Variants in RABGEF1 observed in about 807,000 individuals in gnomAD.
The protein encoded by RABGEF1 is rab5 GDP/GTP exchange factor.
In RABGEF1, 26 loss-of-function variants were observed where a neutral mutation model predicts 57.3. The observed-to-expected ratio is 0.45, with a 90% confidence interval of 0.33 to 0.63. RABGEF1 has a LOEUF of 0.63. Ranked by LOEUF, RABGEF1 falls within the 20% of genes least tolerant of loss-of-function variation. The pLI, the probability that RABGEF1 is intolerant of heterozygous loss-of-function variation, is 0.02. For synonymous variants in RABGEF1, 185 were observed against 210.7 expected, an observed-to-expected ratio of 0.88 and a Z score of 1.06; for missense variants, 464 against 607.6, an observed-to-expected ratio of 0.76 and a Z score of 2.48.
At chr7:66,692,193 A>G (rs972541351) in intron 1 of RABGEF1, among the ~76,000 whole-genome samples, 2 of 152,260 alleles carry the variant, frequency 1.3e-5, no homozygotes, top group Non-Finnish European at 2.9e-5. Context: ...CTGCATTGGC[A>G]GATTAAGAAG....
In RABGEF1 at chr7:66,786,440, A is replaced by C. The variant is rs144288182; in HGVS notation, c.513+2599A>C. Reference sequence around the variant, plus strand: ...TTTTTTTGAAGCAGTGTGTTGCTCTATCTCCTGGACTGGAGCACAATAGCG... The same window carrying C: ...TTTTTTTGAAGCAGTGTGTTGCTCTCTCTCCTGGACTGGAGCACAATAGCG... On this transcript the variant is annotated intron_variant, in intron 4 of 8. Coordinates refer to ENST00000284957, the MANE Select transcript of RABGEF1 (RefSeq NM_014504.3). 7.5e-4 allele frequency among the ~76,000 whole-genome samples: 114 copies of C among 151,840 alleles called. 2 individuals are homozygous for C. In the South Asian group the frequency reaches 0.012, roughly 16 times the overall value.
intron 3 of RABGEF1, among the ~76,000 whole-genome samples, chr7:66,778,419 A>C (rs1225087666): frequency 2.0e-5 from 3 of 152,240 alleles, no homozygotes; most frequent in Non-Finnish European, 4.4e-5. Flanking sequence ...TAGTCTCTAC[A>C]GTCAGGGTGA....
upstream of RABGEF1, among the ~76,000 whole-genome samples, chr7:66,677,166 A>G (rs895877734): frequency 4.6e-5 from 7 of 152,092 alleles, no homozygotes; most frequent in African/African-American, 1.7e-4. Flanking sequence ...ACATTTTACC[A>G]CAATACAAAT....
the RABGEF1 span, among the ~76,000 whole-genome samples, chr7:66,657,814 C>CT: frequency 0.1 from 15,843 of 151,870 alleles, 905 homozygotes; most frequent in Non-Finnish European, 0.11. Context: ...GAGTGAGACT[C>CT]TATCTCAAAA....
At chr7:66,778,120 G>A (rs998626254) in intron 3 of RABGEF1, among the ~76,000 whole-genome samples, 21 of 152,152 alleles carry the variant, frequency 1.4e-4, no homozygotes, top group African/African-American at 4.1e-4. Context: ...GATAAGATTA[G>A]CCTAAGTGCC....
chr7:66,804,782 A>T (rs551713933), intron 7 of RABGEF1, among the ~76,000 whole-genome samples: 4 of 151,712 alleles, frequency 2.6e-5, no homozygotes, highest in African/African-American at 9.7e-5. Context: ...TCAGGTAGAC[A>T]TGGTTTCAAA....
At chr7:66,767,034 C>T (rs1045164553) in intron 1 of RABGEF1, among the ~76,000 whole-genome samples, 5 of 144,922 alleles carry the variant, frequency 3.5e-5, no homozygotes, top group Non-Finnish European at 4.5e-5. Context: ...ATGGCGTCTC[C>T]CTCTGTTGCC....
upstream of RABGEF1, among the ~76,000 whole-genome samples, chr7:66,678,496 C>T (rs1314515956): frequency 1.5e-5 from 2 of 136,352 alleles, no homozygotes; most frequent in South Asian, 2.4e-4. Context: ...ACCCAGGAAG[C>T]GGAGCTTGCA....
intron 2 of RABGEF1, among the ~76,000 whole-genome samples, chr7:66,727,223 G>A (rs556851214): frequency 4.1e-4 from 63 of 152,316 alleles, no homozygotes; most frequent in African/African-American, 1.5e-3. Flanking sequence ...ACTAATGGAA[G>A]GTGGGGTGGA....
chr7:66,793,545 C>T (rs1272626460), intron 4 of RABGEF1, among the ~76,000 whole-genome samples: 1 of 152,096 alleles, frequency 6.6e-6, no homozygotes, highest in South Asian at 2.1e-4. Context: ...AATATAGTTT[C>T]TTCTAAGTTA....
chr7:66,761,013 C>T (rs935157564), intron 1 of RABGEF1, among the ~76,000 whole-genome samples: 11 of 152,110 alleles, frequency 7.2e-5, no homozygotes, highest in African/African-American at 2.7e-4. Flanking sequence ...TCTACAATAA[C>T]CTTATTCATT....
At chr7:66,665,155 T>G in the RABGEF1 span, 1 of 152,184 alleles carries the variant, frequency 6.6e-6, no homozygotes, top group Middle Eastern at 3.4e-3. Flanking sequence ...AATTCTTGTT[T>G]TTTTTTTTAA....
chr7:66,660,233 A>G, the RABGEF1 span, among the ~76,000 whole-genome samples: 2 of 152,092 alleles, frequency 1.3e-5, no homozygotes, highest in Admixed American at 1.3e-4. Context: ...CTGTAGTCCT[A>G]GCTACTCAGG....
intron 8 of RABGEF1, 138 bp from the exon 9 acceptor site, chr7:66,808,748 A>G: frequency 1.0e-6 from 1 of 958,622 alleles, no homozygotes; most frequent in Non-Finnish European, 1.5e-6. Context: ...TTGAGGCTGA[A>G]ATACACAGAA....
intron 1 of RABGEF1, among the ~76,000 whole-genome samples, chr7:66,694,100 C>G (rs973558216): frequency 6.6e-6 from 1 of 152,238 alleles, no homozygotes; most frequent in African/African-American, 2.4e-5. Flanking sequence ...TGAGCCACTG[C>G]ACCCAGCCTT....
At chr7:66,696,689 C>CAAAAAAAAAAA (rs71049476) in intron 1 of RABGEF1, among the ~76,000 whole-genome samples, 2 of 66,322 alleles carry the variant, frequency 3.0e-5, no homozygotes, top group Admixed American at 1.3e-4. Flanking sequence ...GACTCCGTCT[C>CAAAAAAAAAAA]AAAAAAAAAA....
intron 1 of RABGEF1, among the ~76,000 whole-genome samples, chr7:66,690,097 ATTCTTT>A (rs1756955020): frequency 6.8e-6 from 1 of 147,440 alleles, no homozygotes; most frequent in Admixed American, 6.8e-5. Context: ...TTGATAAAAA[ATTCTTT>A]TTTTTTTTTT....
chr7:66,772,139 C>T (rs1191906849), intron 2 of RABGEF1, 61 bp downstream of exon 2: 3 of 1,266,994 alleles, frequency 2.4e-6, no homozygotes, highest in Non-Finnish European at 3.1e-6. Flanking sequence ...AGTTCTGTCA[C>T]CGTCTAAATA....
chr7:66,685,204 G>C (rs1015411567), intron 1 of RABGEF1, among the ~76,000 whole-genome samples: 18 of 131,388 alleles, frequency 1.4e-4, no homozygotes, highest in African/African-American at 4.2e-4. Context: ...CGCTGGGCTA[G>C]AGTGCAGTGG....
Sources: allele counts gnomAD v4.1 joint callset (sites outside exome capture counted in the v4.1 genomes callset), GRCh38; gene constraint gnomAD v4.1.1; transcripts MANE v1.5; gene names NCBI Gene and HGNC (gene_info 2026-07-23, HGNC 2026-07-21).